Variants in LY96 observed in about 807,000 individuals in gnomAD.
The protein encoded by LY96 is lymphocyte antigen 96.
A neutral mutation model predicts 18.9 loss-of-function variants in LY96; 18 were observed. The observed-to-expected ratio is 0.95, with a 90% CI of 0.66 to 1.41. The LOEUF is 1.41. Ranked by LOEUF, LY96 falls within the 40% of genes most tolerant of loss-of-function variation. The probability of loss-of-function intolerance (pLI) is 0.00; values close to 1 mark genes in which losing one functional copy is unlikely to be tolerated. For missense variants in LY96, 175 were observed against 182.4 expected, an observed-to-expected ratio of 0.96 and a Z score of 0.23; for synonymous variants, 66 against 62.6, an observed-to-expected ratio of 1.06 and a Z score of -0.26.
At chr8:74,038,712 A>T in the LY96 span, among the ~76,000 whole-genome samples, 1 of 152,104 alleles carries the variant, frequency 6.6e-6, no homozygotes, top group African/African-American at 2.4e-5. Flanking sequence ...TTTTGTGGCT[A>T]AATAGTATTC....
chr8:74,050,603 ATTG>A, the LY96 span, among the ~76,000 whole-genome samples: 675 of 152,318 alleles, frequency 4.4e-3, 4 homozygotes, highest in African/African-American at 0.016. Flanking sequence ...CAATTTTATT[ATTG>A]TTATTTTAAC....
At chr8:74,032,005 A>G (rs560737929), downstream of LY96, among the ~76,000 whole-genome samples, 3 of 152,024 alleles carry the variant, frequency 2.0e-5, no homozygotes, top group Middle Eastern at 3.4e-3. Flanking sequence ...CACACCTGTA[A>G]TCCCAGCTAC....
At chr8:74,085,014 T>G in the LY96 span, among the ~76,000 whole-genome samples, 1 of 152,218 alleles carries the variant, frequency 6.6e-6, no homozygotes, top group Admixed American at 6.5e-5. Context: ...TACGGTGTGA[T>G]TACTCCAGAT....
At chr8:73,999,871 G>A (rs1287298801) in intron 1 of LY96, among the ~76,000 whole-genome samples, 1 of 151,950 alleles carries the variant, frequency 6.6e-6, no homozygotes, top group African/African-American at 2.4e-5. Flanking sequence ...ATAAGACTAT[G>A]TCATCTGCAA....
chr8:74,053,037 C>G, the LY96 span, among the ~76,000 whole-genome samples: 6 of 152,190 alleles, frequency 3.9e-5, no homozygotes, highest in African/African-American at 1.4e-4. Context: ...ACCTGCCAAG[C>G]AACCCTTGCA....
At chr8:73,994,387 A>G (rs1251314690) in intron 1 of LY96, among the ~76,000 whole-genome samples, 1 of 152,224 alleles carries the variant, frequency 6.6e-6, no homozygotes, top group Non-Finnish European at 1.5e-5. Flanking sequence ...TCCTCTAGGT[A>G]CCATTGTGAG....
intron 1 of LY96, among the ~76,000 whole-genome samples, chr8:74,003,774 C>T (rs1425690962): frequency 6.6e-6 from 1 of 152,162 alleles, no homozygotes; most frequent in Non-Finnish European, 1.5e-5. Flanking sequence ...TGGGTCTGGG[C>T]CTTGCCTGCT....
the LY96 span, among the ~76,000 whole-genome samples, chr8:74,090,690 G>A: frequency 6.6e-6 from 1 of 152,214 alleles, no homozygotes. Context: ...ACTTGGCAAT[G>A]TGAGAGGAGG....
At chr8:74,018,700 G>T (rs1318779453) in intron 3 of LY96, among the ~76,000 whole-genome samples, 3 of 152,156 alleles carry the variant, frequency 2.0e-5, no homozygotes, top group Non-Finnish European at 4.4e-5. Flanking sequence ...AAATGTAAAA[G>T]AACAGAAATC....
At chr8:74,095,046 C>T in the LY96 span, among the ~76,000 whole-genome samples, 1 of 152,032 alleles carries the variant, frequency 6.6e-6, no homozygotes, top group Non-Finnish European at 1.5e-5. Context: ...GTGAATTTCC[C>T]AATATTATTG....
chr8:74,040,602 A>G, the LY96 span, among the ~76,000 whole-genome samples: 8 of 151,782 alleles, frequency 5.3e-5, no homozygotes, highest in Admixed American at 1.3e-4. Flanking sequence ...TTCTATCCCC[A>G]TGTATGCTTT....
the LY96 span, among the ~76,000 whole-genome samples, chr8:74,041,170 T>C: frequency 3.9e-5 from 6 of 152,148 alleles, no homozygotes; most frequent in African/African-American, 1.4e-4. Context: ...TTTATTTCAA[T>C]CTCTGAACAT....
At chr8:74,071,007 A>T in the LY96 span, among the ~76,000 whole-genome samples, 1 of 152,158 alleles carries the variant, frequency 6.6e-6, no homozygotes, top group Non-Finnish European at 1.5e-5. Context: ...ACACTAATGA[A>T]ATTTGCTAGG....
chr8:74,054,563 T>TTCCTTCCTTC, the LY96 span, among the ~76,000 whole-genome samples: 99 of 87,696 alleles, frequency 1.1e-3, 3 homozygotes, highest in African/African-American at 4.6e-3. Context: ...TTCCTTCCTT[T>TTCCTTCCTTC]CTTCCCTCCC....
the LY96 span, among the ~76,000 whole-genome samples, chr8:74,039,418 G>A: frequency 2.6e-5 from 4 of 152,012 alleles, no homozygotes; most frequent in East Asian, 1.9e-4. Flanking sequence ...TGTTCTCCCC[G>A]TGTGCGGACA....
At chr8:74,044,387 T>C in the LY96 span, among the ~76,000 whole-genome samples, 1 of 152,070 alleles carries the variant, frequency 6.6e-6, no homozygotes, top group African/African-American at 2.4e-5. Flanking sequence ...AATGGGGTCT[T>C]AATAAGTTTC....
At chr8:74,032,688 C>G (rs1337190492), downstream of LY96, among the ~76,000 whole-genome samples, 2 of 152,194 alleles carry the variant, frequency 1.3e-5, no homozygotes, top group Admixed American at 6.5e-5. Context: ...TTGTCTGCAG[C>G]TCATTCTGCT....
chr8:74,090,445 T>C, the LY96 span, among the ~76,000 whole-genome samples: 2 of 152,184 alleles, frequency 1.3e-5, no homozygotes, highest in Non-Finnish European at 1.5e-5. Context: ...ATAATAGAGC[T>C]ATAAGAAATA....
At chr8:73,992,836 C>CTGTGTGTGTGTGTGTGTGTGTG (rs34327741) in intron 1 of LY96, among the ~76,000 whole-genome samples, 12 of 141,782 alleles carry the variant, frequency 8.5e-5, no homozygotes, top group Non-Finnish European at 1.5e-4. Flanking sequence ...AATTATGCCA[C>CTGTGTGTGTGTGTGTGTGTGTG]TGTGTGTGTG....
Sources: gnomAD v4.1 joint callset for allele counts (sites outside exome capture counted in the v4.1 genomes callset) on GRCh38, gnomAD v4.1.1 for gene constraint, MANE v1.5 for transcripts, NCBI Gene and HGNC (gene_info 2026-07-23, HGNC 2026-07-21) for gene names.